FAM227A: variants seen among roughly 807,000 people sequenced by gnomAD.
The protein encoded by FAM227A is family with sequence similarity 227 member A, also known as protein FAM227A.
FAM227A carries 80 observed loss-of-function variants against 74.7 expected under a neutral mutation model. The ratio of observed to expected loss-of-function variants is 1.07; its 90% CI spans 0.89 to 1.29. FAM227A has a LOEUF of 1.29. Ranked by LOEUF, FAM227A falls within the 50% of genes most tolerant of loss-of-function variation. The pLI is 0.00. For synonymous variants in FAM227A, 237 were observed against 241.8 expected, an observed-to-expected ratio of 0.98 and a Z score of 0.19; for missense variants, 654 against 683.4, an observed-to-expected ratio of 0.96 and a Z score of 0.48.
chr22:38,588,272 G>A (rs902605388), intron 16 of FAM227A, among the ~76,000 whole-genome samples: 2 of 152,120 alleles, frequency 1.3e-5, no homozygotes, highest in African/African-American at 4.8e-5. Flanking sequence ...TTTATTTACA[G>A]ATAGCATGAT....
intron 1 of FAM227A, 55 bp from the exon 2 acceptor site, chr22:38,650,317 A>G: frequency 1.3e-6 from 1 of 740,876 alleles, no homozygotes; most frequent in Non-Finnish European, 2.2e-6. Flanking sequence ...AGAAAAGCCC[A>G]ACCATGTTCC....
chr22:38,615,364 C>T (rs2091553727), intron 11 of FAM227A, among the ~76,000 whole-genome samples: 1 of 152,178 alleles, frequency 6.6e-6, no homozygotes, highest in Admixed American at 6.5e-5. Context: ...CTCTAAACAA[C>T]ACATCAACCC....
intron 6 of FAM227A, chr22:38,629,144 TG>T: frequency 2.1e-6 from 1 of 475,880 alleles, no homozygotes; most frequent in East Asian, 4.0e-5. Context: ...AGGACCAAAG[TG>T]GCAAGTGGCT....
At position 38,600,062 on chromosome 22, in the gene FAM227A, A is replaced by G. The variant is rs532702469; in HGVS notation, c.1222-141T>C. 1.2e-3 allele frequency: 934 copies of G among 785,032 alleles called. 24 individuals carry two copies. The South Asian group carries it at 0.019, about 16-fold the overall frequency. The allele number at this position is 785,032 out of a possible 1,614,324, so 48.6% of individuals were successfully genotyped here. A position where few individuals can be genotyped will look rare whatever the true frequency, so the allele number is the denominator to read the frequency against. ...GATGCACCCTAAGAAAATTACTCAAAATAAAGCAAAAAAAGGTCAAGGGGC... is the reference window on the plus strand; with the variant it reads ...GATGCACCCTAAGAAAATTACTCAAGATAAAGCAAAAAAAGGTCAAGGGGC... On this transcript the variant is annotated intron_variant, in intron 13 of 16. Transcript: ENST00000535113.
In FAM227A at chr22:38,583,646, A is replaced by C. The variant is rs2090749010; in HGVS notation, c.*2479T>G. 2 of 152,334 alleles carry C rather than the reference A, an allele frequency of 1.3e-5. No homozygotes were observed. Among genetic ancestry groups the C allele is most frequent in the African/African-American group, 4.8e-5 (2 of 41,446 alleles). The allele number at this position is 152,334 out of a possible 1,614,324, so 9.4% of individuals were successfully genotyped here. A position where few individuals can be genotyped will look rare whatever the true frequency, so the allele number is the denominator to read the frequency against. On this transcript the variant is annotated 3_prime_UTR_variant, in exon 17 of 17. Coordinates refer to ENST00000535113, the MANE Select transcript of FAM227A (RefSeq NM_001013647.2). ...TCAAGAAAGCACGTTCAGAAAGGTC[A>C]AGATGCACAGCTACTATGCTGAGTC...
intron 3 of FAM227A, 99 bp from the exon 4 acceptor site, chr22:38,639,823 A>G (rs1773977295): frequency 1.2e-6 from 1 of 829,880 alleles, no homozygotes; most frequent in African/African-American, 1.7e-5. Context: ...GGTGCACAAA[A>G]GACCTGGAGC....
intron 11 of FAM227A, among the ~76,000 whole-genome samples, chr22:38,613,047 TATATATTATATATATGTAA>T (rs1341069886): frequency 4.6e-4 from 53 of 115,060 alleles, no homozygotes; most frequent in Non-Finnish European, 1.7e-4. Flanking sequence ...TATTTTTATA[TATATATTATATATATGTAA>T]ATATATTATA....
intron 16 of FAM227A, 22 bp downstream of exon 16, chr22:38,591,413 C>T (rs1317290150): frequency 4.5e-6 from 7 of 1,550,694 alleles, no homozygotes; most frequent in South Asian, 3.6e-5. Flanking sequence ...CCCTTAAACT[C>T]AATTTCTCTT....
rs2090772109 is a variant in FAM227A at position 38,584,818 on chromosome 22, C to T, written c.*1307G>A. ...AATTAAAAAAAATTTTTTTTTGAGA[C>T]AGAGTTTCGCTCTTGTTGCCCAGGC... On this transcript the variant is annotated 3_prime_UTR_variant, in exon 17 of 17. Coordinates refer to ENST00000535113, the MANE Select transcript of FAM227A (RefSeq NM_001013647.2). The T allele has an allele frequency of 6.6e-6, 1 of 151,882 alleles. No homozygotes were observed. The highest frequency in any genetic ancestry group is 1.5e-5 in the Non-Finnish European group (1 of 67,982). 9.4% of individuals were successfully genotyped at this position (151,882 alleles called of 1,614,324 possible). A position where few individuals can be genotyped will look rare whatever the true frequency, so the allele number is the denominator to read the frequency against.
chr22:38,620,242 T>C lies in FAM227A; in HGVS notation c.1008A>G (p.Pro336=). 1 of 1,551,466 alleles carries C rather than the reference T, an allele frequency of 6.4e-7. No individual in the cohort carries two copies. The highest frequency in any genetic ancestry group is 8.7e-7 in the Non-Finnish European group (1 of 1,146,816). The change falls in exon 11 of 17, where the codon CCA becomes CCG. Residue 336 remains proline, a synonymous_variant. Transcript: ENST00000535113. ...GGTGGTAGAATTTCCTGCTCTGGGC[T>C]GGCTTCTGGGAGAAGGCTCTCTTAC... is the stretch of plus-strand genomic sequence containing the variant. The part of the protein sequence containing the change: ...FAGKRAFSQK[P]AQSRKFYHPQ...
chr22:38,632,143 T>C (rs1244531376), intron 6 of FAM227A, among the ~76,000 whole-genome samples: 1 of 151,996 alleles, frequency 6.6e-6, no homozygotes, highest in Non-Finnish European at 1.5e-5. Context: ...TGAGGTTAGA[T>C]AGAGGCAGAG....
intron 6 of FAM227A, among the ~76,000 whole-genome samples, chr22:38,632,969 C>A (rs2091941136): frequency 6.6e-6 from 1 of 152,186 alleles, no homozygotes; most frequent in East Asian, 1.9e-4. Context: ...ACAGCTCCTC[C>A]AAGAAGTCCC....
Position 38,582,739 on chromosome 22 carries a change from TG to T in FAM227A, c.*3385del, listed in dbSNP as rs1377916647. ...AAAATAAGGAGACCTTCTTGCTGTATGGGGGCTAATAGTAGCGGTGGATAGG... is the reference window on the plus strand; with the variant it reads ...AAAATAAGGAGACCTTCTTGCTGTATGGGGCTAATAGTAGCGGTGGATAGG... On this transcript the variant is annotated 3_prime_UTR_variant, in exon 17 of 17. Transcript: ENST00000535113. The T allele has an allele frequency of 5.4e-6, 7 of 1,299,364 alleles. No individual in the cohort carries two copies. The highest frequency in any genetic ancestry group is 2.1e-5 in the Admixed American group (1 of 46,860). The allele number at this position is 1,299,364 out of a possible 1,614,324, so 80.5% of individuals were successfully genotyped here.
chr22:38,623,051 G>T, intron 10 of FAM227A, 121 bp downstream of exon 10: 1 of 675,488 alleles, frequency 1.5e-6, no homozygotes. Context: ...GGCTAATTTG[G>T]GGGTACCCGA....
intron 11 of FAM227A, among the ~76,000 whole-genome samples, chr22:38,617,164 C>A (rs2091595657): frequency 1.3e-5 from 2 of 152,004 alleles, no homozygotes; most frequent in South Asian, 2.1e-4. Context: ...GCCGCACAGT[C>A]TTCAGAATGT....
At chr22:38,606,336 TA>T (rs533689050) in intron 12 of FAM227A, among the ~76,000 whole-genome samples, 1 of 152,116 alleles carries the variant, frequency 6.6e-6, no homozygotes, top group Non-Finnish European at 1.5e-5. Context: ...CCAGCTAATT[TA>T]AAAATTTTTT....
At chr22:38,635,641 G>A (rs2091988856) in intron 6 of FAM227A, among the ~76,000 whole-genome samples, 1 of 152,142 alleles carries the variant, frequency 6.6e-6, no homozygotes, top group Admixed American at 6.6e-5. Flanking sequence ...CTGCAAGGAA[G>A]CATACTCACC....
chr22:38,613,333 A>AATATATATCATATATG (rs1446828186), intron 11 of FAM227A, among the ~76,000 whole-genome samples: 1 of 41,322 alleles, frequency 2.4e-5, no homozygotes, highest in Admixed American at 4.4e-4. Context: ...TATCATATAT[A>AATATATATCATATATG]ATATATAACA....
rs2090727373 is a variant in FAM227A at position 38,582,786 on chromosome 22, A to G, written c.*3339T>C. The G allele has an allele frequency of 6.5e-7, 1 of 1,537,232 alleles. No homozygotes were observed. The highest frequency in any genetic ancestry group is 2.4e-5 in the East Asian group (1 of 40,840). ...ATAGGTAGACAGGCAATTCCAATCT[A>G]CTATGGTAACTGCTGCCATAATGGG... On this transcript the variant is annotated 3_prime_UTR_variant, in exon 17 of 17. Coordinates refer to ENST00000535113, the MANE Select transcript of FAM227A (RefSeq NM_001013647.2).
Sources: allele counts gnomAD v4.1 joint callset (sites outside exome capture counted in the v4.1 genomes callset), GRCh38; gene constraint gnomAD v4.1.1; transcripts MANE v1.5; gene names NCBI Gene and HGNC (gene_info 2026-07-23, HGNC 2026-07-21).